Variants in F11 observed in about 807,000 individuals in gnomAD.
The protein encoded by F11 is coagulation factor XI.
Under a neutral mutation model 76.5 loss-of-function variants are expected in F11, and 78 were observed. That is an observed-to-expected ratio of 1.02 (90% CI 0.85 to 1.23). F11 has a LOEUF of 1.23. Ranked by LOEUF, F11 falls within the 50% of genes most tolerant of loss-of-function variation. F11 has a pLI of 0.00. For missense variants in F11, 742 were observed against 771.4 expected (o/e 0.96, Z 0.45); for synonymous variants, 278 against 276.3 (o/e 1.01, Z -0.06).
At chr4:186,276,157 T>G in intron 6 of F11, 74 bp from the exon 7 acceptor site, 1 of 1,562,764 alleles carries the variant, frequency 6.4e-7, no homozygotes. Flanking sequence ...AATATGGAAT[T>G]TACACATACT....
intron 10 of F11, 47 bp downstream of exon 10, chr4:186,280,627 A>T: frequency 7.3e-7 from 1 of 1,376,926 alleles, no homozygotes; most frequent in East Asian, 2.4e-5. Flanking sequence ...GAATTATTCC[A>T]TGCTTCATAC....
intron 5 of F11, chr4:186,274,639 C>T (rs575257675): frequency 9.9e-6 from 3 of 302,392 alleles, no homozygotes; most frequent in Non-Finnish European, 1.9e-5. Context: ...AACCTACTCT[C>T]TCTCTCTCTA....
In F11 at chr4:186,271,612, G is replaced by C. The variant is rs775930271; in HGVS notation, c.59G>C (p.Cys20Ser). The C allele has an allele frequency of 1.2e-6, 2 of 1,614,114 alleles. No individual in the cohort carries two copies. The highest frequency in any genetic ancestry group is 1.7e-6 in the Non-Finnish European group (2 of 1,179,986). The change falls in exon 3 of 15, where the codon TGT (cysteine) becomes TCT (serine). Residue 20 changes from cysteine to serine, a missense_variant. Cys to Ser is a moderately radical substitution (Grantham distance 112). Transcript: ENST00000403665. The stretch of plus-strand genomic sequence containing the variant: ...CATGCCATGTACTACATCACAGAAT[G>C]TGTGACTCAGTTGTTGAAGGACACC... ...FILFTSVSGE[C>S]VTQLLKDTCF...
At chr4:186,285,462 A>G (rs1240596962) in intron 11 of F11, among the ~76,000 whole-genome samples, 176 bp from the exon 12 acceptor site, 1 of 151,998 alleles carries the variant, frequency 6.6e-6, no homozygotes, top group Non-Finnish European at 1.5e-5. Flanking sequence ...GATTTTCTTT[A>G]TAGGGTGAAT....
rs537606104 is a variant in F11, at chr4:186,286,233, C to G, written c.1481-182C>G. 4.9e-6 allele frequency: 3 copies of G among 613,702 alleles called. No homozygotes were observed. The South Asian group carries it at 5.4e-5, about 11-fold the overall frequency. 38.0% of individuals were successfully genotyped at this position (613,702 alleles called of 1,614,324 possible). Reference sequence around the variant, plus strand: ...GTGAGGCTTGTCTCTCTCTCGCCCTCTCATCCTGGCACATGTGCGATATCG... The same window carrying G: ...GTGAGGCTTGTCTCTCTCTCGCCCTGTCATCCTGGCACATGTGCGATATCG... On this transcript the variant is annotated intron_variant, in intron 12 of 14. Transcript: ENST00000403665.
intron 7 of F11, among the ~76,000 whole-genome samples, chr4:186,277,525 C>T (rs962925115): frequency 1.3e-5 from 2 of 151,974 alleles, no homozygotes; most frequent in African/African-American, 4.8e-5. Context: ...TTCATGACAA[C>T]TAAAAGACAA....
At chr4:186,290,118 C>T (rs1279314938), downstream of F11, among the ~76,000 whole-genome samples, 2 of 151,464 alleles carry the variant, frequency 1.3e-5, no homozygotes, top group Non-Finnish European at 2.9e-5. Context: ...AATAATCACA[C>T]AAAATATATA....
At chr4:186,272,699 G>A (rs1487968259) in intron 3 of F11, among the ~76,000 whole-genome samples, 1 of 152,204 alleles carries the variant, frequency 6.6e-6, no homozygotes, top group Non-Finnish European at 1.5e-5. Context: ...AAAACCCACA[G>A]TAAAGCCAAG....
At position 186,269,312 on chromosome 4, in the gene F11, C is replaced by T. The variant is rs530633800; in HGVS notation, c.55+2121C>T. ...ATATACTTGTACACCCATCTCATAG[C>T]AGCATTATTCACACTAACCCAAAGG... On this transcript the variant is annotated intron_variant, in intron 2 of 14. Transcript: ENST00000403665. Among the ~76,000 whole-genome samples, 6 of 152,300 alleles carry T rather than the reference C, an allele frequency of 3.9e-5. No individual in the cohort carries two copies. In the East Asian group the frequency reaches 1.2e-3, roughly 29 times the overall value.
rs763496524 is a variant in F11, at chr4:186,280,058, C to T, written c.802C>T (p.Arg268Cys). ...KTSESGLPST[R>C]IKKSKALSGF... ...ATCTGAGAGTGGATTGCCCAGTACA[C>T]GCATTAAAAAGAGCAAAGCTCTTTC... is the stretch of plus-strand genomic sequence containing the variant. Residue 268 changes from arginine (R) to cysteine (C), a missense_variant, in exon 8 of 15, where the codon CGC becomes TGC. By Grantham distance (180) the Arg-to-Cys change is radical. Transcript: ENST00000403665. The T allele has an allele frequency of 3.6e-5, 58 of 1,613,988 alleles. No individual in the cohort carries two copies. Among genetic ancestry groups the T allele is most frequent in the Admixed American group, 3.0e-4 (18 of 59,994 alleles).
intron 14 of F11, 153 bp from the exon 15 acceptor site, chr4:186,288,300 G>A: frequency 1.2e-6 from 1 of 847,276 alleles, no homozygotes; most frequent in Non-Finnish European, 2.0e-6. Context: ...AAAGCAAGGA[G>A]ATTGACTGGA....
chr4:186,267,609 A>G (rs565381335), intron 2 of F11, among the ~76,000 whole-genome samples: 3 of 152,328 alleles, frequency 2.0e-5, no homozygotes, highest in Non-Finnish European at 2.9e-5. Flanking sequence ...ATGCATTTCA[A>G]TAATTTAACT....
chr4:186,272,716 A>G (rs1740071545), intron 3 of F11, among the ~76,000 whole-genome samples: 1 of 152,266 alleles, frequency 6.6e-6, no homozygotes, highest in Non-Finnish European at 1.5e-5. Context: ...CAAGGATATT[A>G]TTTAAGTATT....
rs781258231 is a variant in F11, at chr4:186,281,898, A to G, written c.1135+1318A>G. The G allele has an allele frequency of 6.7e-5, 84 of 1,247,028 alleles. No individual in the cohort carries two copies. In the African/African-American group the frequency reaches 9.0e-4, roughly 13 times the overall value. The allele number at this position is 1,247,028 out of a possible 1,614,324, so 77.2% of individuals were successfully genotyped here. ...ACATAAAGACGTTATATTGCCTCCAACACTGGTATCCTAACTAACAGACTA... is the reference window on the plus strand; with the variant it reads ...ACATAAAGACGTTATATTGCCTCCAGCACTGGTATCCTAACTAACAGACTA... On this transcript the variant is annotated intron_variant, in intron 10 of 14. Coordinates refer to ENST00000403665, the MANE Select transcript of F11 (RefSeq NM_000128.4).
chr4:186,275,899 A>G lies in F11; in HGVS notation c.595+3A>G, dbSNP rs933333847. ...ATCCTGTGCACTTTCTAATCTGGGT[A>G]ATTATCGACTTCTTGATGATGTAAT... On this transcript the variant is annotated splice_donor_region_variant and intron_variant, in intron 6 of 14. Coordinates refer to ENST00000403665, the MANE Select transcript of F11 (RefSeq NM_000128.4). 3.8e-5 allele frequency: 61 copies of G among 1,595,732 alleles called. No individual in the cohort carries two copies. The highest frequency in any genetic ancestry group is 1.7e-4 in the Middle Eastern group (1 of 6,058).
intron 10 of F11, chr4:186,282,180 A>T: frequency 9.2e-7 from 1 of 1,089,214 alleles, no homozygotes; most frequent in South Asian, 2.4e-5. Context: ...GTATACCTCA[A>T]TACATTGCAG....
intron 2 of F11, among the ~76,000 whole-genome samples, chr4:186,270,030 A>G (rs1417093950): frequency 1.3e-5 from 2 of 152,214 alleles, no homozygotes; most frequent in African/African-American, 4.8e-5. Flanking sequence ...TTTACTCTTG[A>G]CTGGAGGTAC....
chr4:186,275,002 G>C (rs964862039), intron 5 of F11: 1 of 255,698 alleles, frequency 3.9e-6, no homozygotes, highest in Non-Finnish European at 8.2e-6. Flanking sequence ...AGCAAACAAA[G>C]CATCAACGAG....
chr4:186,287,612 A>T, intron 13 of F11, 72 bp from the exon 14 acceptor site: 4 of 721,818 alleles, frequency 5.5e-6, no homozygotes, highest in Non-Finnish European at 6.6e-6. Flanking sequence ...ATATATATTT[A>T]TATGTATGCA....
Sources: allele counts gnomAD v4.1 joint callset (sites outside exome capture counted in the v4.1 genomes callset), GRCh38; gene constraint gnomAD v4.1.1; transcripts MANE v1.5; gene names NCBI Gene and HGNC (gene_info 2026-07-23, HGNC 2026-07-21).